SLC44A2: variants seen among roughly 807,000 people sequenced by gnomAD.
SLC44A2 encodes choline transporter-like protein 2.
Under a neutral mutation model 90.8 loss-of-function variants are expected in SLC44A2, and 57 were observed. The ratio of observed to expected loss-of-function variants is 0.63; its 90% CI spans 0.51 to 0.78. The LOEUF (loss-of-function observed/expected upper bound fraction) is 0.78. SLC44A2 is among the 30% of genes least tolerant of loss of function. The pLI, the probability that SLC44A2 is intolerant of heterozygous loss-of-function variation, is 0.00. For synonymous variants in SLC44A2, 355 were observed against 360.7 expected, an observed-to-expected ratio of 0.98 and a Z score of 0.18; for missense variants, 794 against 919.7, an observed-to-expected ratio of 0.86 and a Z score of 1.77.
intron 1 of SLC44A2, among the ~76,000 whole-genome samples, chr19:10,612,024 T>C (rs969299493): frequency 3.3e-5 from 5 of 152,262 alleles, no homozygotes; most frequent in East Asian, 3.9e-4. Context: ...TCCTTCCAGA[T>C]TGTGACCTAT....
At chr19:10,622,305 C>T (rs551667569), upstream of SLC44A2, among the ~76,000 whole-genome samples, 3 of 152,002 alleles carry the variant, frequency 2.0e-5, no homozygotes, top group Admixed American at 1.3e-4. Context: ...TGGGCTGTGG[C>T]GAAGAGCTGG....
rs1448133007 is a variant in SLC44A2 at position 10,631,172 on chromosome 19, T to C, written c.330+31T>C. 3 of 1,608,772 alleles carry C rather than the reference T, an allele frequency of 1.9e-6. No homozygotes were observed. The African/African-American group carries it at 4.0e-5, about 22-fold the overall frequency. On this transcript the variant is annotated intron_variant, in intron 5 of 21. Transcript: ENST00000335757. ...CTGGTCCCCACCGTTCCCTTTTTCC[T>C]CTCCCCGCTTCCCATCCTTTTCCCC...
chr19:10,636,646 C>T lies in SLC44A2; in HGVS notation c.1497-16C>T. On this transcript the variant is annotated splice_polypyrimidine_tract_variant and intron_variant, in intron 15 of 21. Coordinates refer to ENST00000335757, the MANE Select transcript of SLC44A2 (RefSeq NM_020428.4). ...CGAGGCCTGGCCCAGCCACCGACCACTCCCTCGGCCCGCAGGTACCACACA... is the reference window on the plus strand; with the variant it reads ...CGAGGCCTGGCCCAGCCACCGACCATTCCCTCGGCCCGCAGGTACCACACA... The T allele has an allele frequency of 6.2e-7, 1 of 1,610,976 alleles. No homozygotes were observed. Among genetic ancestry groups the T allele is most frequent in the Non-Finnish European group, 8.5e-7 (1 of 1,178,946 alleles).
At chr19:10,637,541 A>C in intron 16 of SLC44A2, 103 bp from the exon 17 acceptor site, 1 of 1,055,116 alleles carries the variant, frequency 9.5e-7, no homozygotes, top group Non-Finnish European at 1.5e-6. Context: ...GCGTGGACTC[A>C]GGAGACCTGG....
chr19:10,638,273 G>C lies in SLC44A2; in HGVS notation c.1887G>C (p.Gln629His), dbSNP rs779075954. 6.2e-7 allele frequency: 1 copy of C among 1,614,078 alleles called. No homozygotes were observed. Among genetic ancestry groups the C allele is most frequent in the Non-Finnish European group, 8.5e-7 (1 of 1,180,010 alleles). The change falls in exon 20 of 22, where the codon CAG becomes CAC. Residue 629 changes from glutamine to histidine, a missense_variant. Physicochemically the swap from Gln to His is conservative, Grantham distance 24 (BLOSUM62 0). Around this residue, in one of 3 missense-constraint regions of SLC44A2, gnomAD observed 738 missense variants for 841.1 expected, o/e 0.88. Coordinates refer to ENST00000335757, the MANE Select transcript of SLC44A2 (RefSeq NM_020428.4). Reference sequence around the variant, plus strand: ...TCACCCACCGTATCAGGATCGTGCAGGATACAGCACCACCCCTCAATTATT... The same window carrying C: ...TCACCCACCGTATCAGGATCGTGCACGATACAGCACCACCCCTCAATTATT... ...FFFTHRIRIVQDTAPPLNYYW... is the reference protein window; with the variant it reads ...FFFTHRIRIVHDTAPPLNYYW...
intron 1 of SLC44A2, among the ~76,000 whole-genome samples, chr19:10,611,159 ATAT>A (rs1389737417): frequency 2.0e-5 from 3 of 152,032 alleles, no homozygotes; most frequent in African/African-American, 7.2e-5. Context: ...TTATTTTAAA[ATAT>A]TATTTTAGGC....
exon 1 of SLC44A2, chr19:10,602,539 C>A: frequency 7.8e-7 from 1 of 1,280,486 alleles, no homozygotes; most frequent in Non-Finnish European, 9.9e-7. Context: ...CCATGGAGGA[C>A]GAGCGGAAAA....
intron 1 of SLC44A2, among the ~76,000 whole-genome samples, chr19:10,603,814 C>T (rs1918028433): frequency 2.6e-5 from 4 of 152,238 alleles, no homozygotes; most frequent in South Asian, 2.1e-4. Flanking sequence ...GAGTCTCAGC[C>T]TGAGGTTCTA....
intron 1 of SLC44A2, among the ~76,000 whole-genome samples, chr19:10,608,752 C>A: frequency 6.6e-6 from 1 of 151,208 alleles, no homozygotes; most frequent in East Asian, 2.0e-4. Context: ...TGGGTTTAAG[C>A]AATTCTCCTG....
At chr19:10,605,422 G>A (rs1918074280) in intron 1 of SLC44A2, among the ~76,000 whole-genome samples, 1 of 152,176 alleles carries the variant, frequency 6.6e-6, no homozygotes, top group African/African-American at 2.4e-5. Context: ...GCTGAGGCAG[G>A]AGAATCGCTT....
chr19:10,637,385 A>T, intron 16 of SLC44A2: 1 of 452,622 alleles, frequency 2.2e-6, no homozygotes. Context: ...TATTTTTCTT[A>T]GAGGAAGGGC....
In SLC44A2 at chr19:10,627,903, C is replaced by T. The variant is rs1183304807; in HGVS notation, c.161-17C>T. The T allele has an allele frequency of 6.2e-7, 1 of 1,613,562 alleles. No individual in the cohort carries two copies. Among genetic ancestry groups the T allele is most frequent in the Admixed American group, 1.7e-5 (1 of 59,950 alleles). ...TGAGGAGTGGCAGTGTCTCAGTATCCCTGGATCTTTCCACAGCCTGGACTC... is the reference window on the plus strand; with the variant it reads ...TGAGGAGTGGCAGTGTCTCAGTATCTCTGGATCTTTCCACAGCCTGGACTC... On this transcript the variant is annotated splice_polypyrimidine_tract_variant and intron_variant, in intron 3 of 21. Transcript: ENST00000335757.
rs1035100127 is a variant in SLC44A2, at chr19:10,635,163, G to A, written c.1056G>A (p.Arg352=). ...IAIALIKEAS[R]AVGYVMCSLL... ...CGCCTGTGTCTCTGCTCTTCCCTAG[G>A]GCTGTGGGATACGTCATGTGCTCCT... The change falls in exon 13 of 22, where the codon AGG becomes AGA. Residue 352 remains arginine, a splice_region_variant and synonymous_variant. Transcript: ENST00000335757. The A allele has an allele frequency of 1.9e-6, 3 of 1,613,946 alleles. No individual in the cohort carries two copies. The highest frequency in any genetic ancestry group is 2.5e-6 in the Non-Finnish European group (3 of 1,180,018).
intron 1 of SLC44A2, among the ~76,000 whole-genome samples, chr19:10,618,182 T>C (rs1427897988): frequency 6.7e-6 from 1 of 149,430 alleles, no homozygotes; most frequent in East Asian, 2.0e-4. Context: ...TTTTTTTTTT[T>C]TTTTTTTTTT....
Position 10,643,541 on chromosome 19 carries a change from G to A in SLC44A2, c.*156G>A. 4 of 860,964 alleles carry A rather than the reference G, an allele frequency of 4.6e-6. No homozygotes were observed. The highest frequency in any genetic ancestry group is 6.8e-6 in the Non-Finnish European group (4 of 589,752). 53.3% of individuals were successfully genotyped at this position (860,964 alleles called of 1,614,324 possible). A position where few individuals can be genotyped will look rare whatever the true frequency, so the allele number is the denominator to read the frequency against. The stretch of plus-strand genomic sequence containing the variant: ...TCCCACCAGTTTCTGGACGTGGAGA[G>A]TCTGGGGCATCTCCTTCTTATGCCA... On this transcript the variant is annotated 3_prime_UTR_variant, in exon 22 of 22. Coordinates refer to ENST00000335757, the MANE Select transcript of SLC44A2 (RefSeq NM_020428.4).
At chr19:10,612,483 G>A (rs1312319039) in intron 1 of SLC44A2, among the ~76,000 whole-genome samples, 1 of 152,196 alleles carries the variant, frequency 6.6e-6, no homozygotes, top group African/African-American at 2.4e-5. Context: ...TAACCCTTCT[G>A]AGCCTCCCCA....
chr19:10,602,477 C>A (rs1466412123), upstream of SLC44A2: 44 of 1,176,372 alleles, frequency 3.7e-5, no homozygotes, highest in Non-Finnish European at 4.5e-5. Context: ...GCCTCCCGCC[C>A]GCCCGGGCTG....
At position 10,632,734 on chromosome 19, in the gene SLC44A2, G is replaced by A. The variant is rs191527915; in HGVS notation, c.823+578G>A. On this transcript the variant is annotated intron_variant, in intron 10 of 21. Coordinates refer to ENST00000335757, the MANE Select transcript of SLC44A2 (RefSeq NM_020428.4). ...GTCACCCAGGCTGGAGTGCCATGGC[G>A]CGATCTTGGCTCACTGCAACCTCCG... Among the ~76,000 whole-genome samples the A allele has an allele frequency of 4.3e-3, 646 of 150,330 alleles. 3 individuals are homozygous for A. Among genetic ancestry groups the A allele is most frequent in the African/African-American group, 9.7e-3 (398 of 40,948 alleles).
intron 1 of SLC44A2, among the ~76,000 whole-genome samples, chr19:10,607,517 A>ATT (rs61695650): frequency 1.6e-5 from 2 of 127,390 alleles, no homozygotes; most frequent in Non-Finnish European, 3.3e-5. Flanking sequence ...TACTCAACTA[A>ATT]TTTTTTTTTT....
Sources: gnomAD v4.1 joint callset for allele counts (sites outside exome capture counted in the v4.1 genomes callset) on GRCh38, gnomAD v4.1.1 for gene constraint, gnomAD v4.1.1 regional missense constraint, MANE v1.5 for transcripts, NCBI Gene and HGNC (gene_info 2026-07-23, HGNC 2026-07-21) for gene names.